The following PTPRD variants were observed in gnomAD, a reference collection of about 807,000 sequenced individuals.
The protein encoded by PTPRD is receptor-type tyrosine-protein phosphatase delta.
Under a neutral mutation model 214.5 loss-of-function variants are expected in PTPRD, and 34 were observed. That is an observed-to-expected ratio of 0.16 (90% confidence interval 0.12 to 0.21). The LOEUF (loss-of-function observed/expected upper bound fraction) is 0.21, where lower values mean the gene tolerates loss of function less well. Among genes scored for constraint, PTPRD ranks in the 10% least tolerant of loss-of-function variants. The pLI is 1.00. For missense variants in PTPRD, 2,545 were observed against 2,398.7 expected, an observed-to-expected ratio of 1.06 and a Z score of -1.27; for synonymous variants, 1,128 against 845.7, an observed-to-expected ratio of 1.33 and a Z score of -5.79.
At chr9:10,274,590 G>C (rs987209859) in intron 3 of PTPRD, among the ~76,000 whole-genome samples, 4 of 152,150 alleles carry the variant, frequency 2.6e-5, no homozygotes, top group African/African-American at 9.7e-5. Context: ...TGAATATTGG[G>C]CTTGCATTCA....
intron 3 of PTPRD, among the ~76,000 whole-genome samples, chr9:10,070,370 C>T (rs1262336357): frequency 1.3e-5 from 2 of 151,866 alleles, no homozygotes; most frequent in Admixed American, 1.3e-4. Context: ...TTGTATGTAC[C>T]TCTTGTTCAA....
At chr9:9,843,800 A>G (rs2058871026) in intron 5 of PTPRD, among the ~76,000 whole-genome samples, 1 of 151,992 alleles carries the variant, frequency 6.6e-6, no homozygotes, top group South Asian at 2.1e-4. Context: ...CGAAATTTAA[A>G]TAGAGGTACA....
At chr9:9,997,491 G>C (rs1231041804) in intron 4 of PTPRD, among the ~76,000 whole-genome samples, 1 of 152,088 alleles carries the variant, frequency 6.6e-6, no homozygotes, top group Non-Finnish European at 1.5e-5. Flanking sequence ...GTTTTTCCAA[G>C]TTGGTCAGGC....
At chr9:8,544,092 C>T (rs1350815893) in intron 14 of PTPRD, among the ~76,000 whole-genome samples, 1 of 151,330 alleles carries the variant, frequency 6.6e-6, no homozygotes, top group East Asian at 1.9e-4. Flanking sequence ...GGTTCATAGA[C>T]TTCCATTTGC....
intron 2 of PTPRD, among the ~76,000 whole-genome samples, chr9:10,406,002 G>A (rs565364297): frequency 9.9e-5 from 15 of 151,156 alleles, no homozygotes; most frequent in Non-Finnish European, 1.9e-4. Context: ...ATCACAAAAT[G>A]TTCTTGTAAA....
At chr9:10,474,001 G>C (rs911925218) in intron 2 of PTPRD, among the ~76,000 whole-genome samples, 4 of 151,918 alleles carry the variant, frequency 2.6e-5, no homozygotes, top group African/African-American at 9.7e-5. Flanking sequence ...AATATGGAAA[G>C]GAAAAACCAG....
At chr9:9,016,121 A>G (rs1456367640) in intron 11 of PTPRD, among the ~76,000 whole-genome samples, 1 of 152,142 alleles carries the variant, frequency 6.6e-6, no homozygotes, top group Non-Finnish European at 1.5e-5. Context: ...CAACTCTGAG[A>G]CTGCCTTACT....
At chr9:8,857,747 G>A (rs570700846) in intron 11 of PTPRD, 28 of 156,180 alleles carry the variant, frequency 1.8e-4, no homozygotes, top group Non-Finnish European at 3.9e-4. Context: ...CCTCCGGGCG[G>A]CCAATTTAAT....
intron 11 of PTPRD, among the ~76,000 whole-genome samples, chr9:8,826,579 T>G (rs1164160134): frequency 1.3e-5 from 2 of 151,726 alleles, no homozygotes; most frequent in East Asian, 3.9e-4. Context: ...TTCTCATCCT[T>G]CAGGTCTTTA....
chr9:9,456,976 C>T (rs755542289), intron 8 of PTPRD, among the ~76,000 whole-genome samples: 1 of 151,258 alleles, frequency 6.6e-6, no homozygotes, highest in Non-Finnish European at 1.5e-5. Flanking sequence ...ACTACTGTAA[C>T]AGGCATGACA....
chr9:9,015,674 G>T (rs2099531830), intron 11 of PTPRD, among the ~76,000 whole-genome samples: 1 of 152,038 alleles, frequency 6.6e-6, no homozygotes, highest in Non-Finnish European at 1.5e-5. Flanking sequence ...CCTCTCTTGG[G>T]TGGGGTCTGG....
At chr9:9,472,304 C>T (rs887169365) in intron 8 of PTPRD, among the ~76,000 whole-genome samples, 13 of 150,742 alleles carry the variant, frequency 8.6e-5, no homozygotes, top group Non-Finnish European at 1.2e-4. Flanking sequence ...CCCGGGTTCA[C>T]GCCATTCTCC....
At chr9:8,575,379 T>C (rs1330748713) in intron 14 of PTPRD, among the ~76,000 whole-genome samples, 1 of 152,130 alleles carries the variant, frequency 6.6e-6, no homozygotes, top group Non-Finnish European at 1.5e-5. Flanking sequence ...AGCAGCAATT[T>C]AATTCTAAGA....
chr9:9,206,467 G>A (rs574795596), intron 9 of PTPRD, among the ~76,000 whole-genome samples: 1 of 152,284 alleles, frequency 6.6e-6, no homozygotes, highest in East Asian at 1.9e-4. Flanking sequence ...CAACTTGATT[G>A]GACTGAAGGA....
intron 5 of PTPRD, among the ~76,000 whole-genome samples, chr9:9,846,136 T>A (rs185667629): frequency 3.5e-4 from 53 of 152,270 alleles, no homozygotes; most frequent in Admixed American, 1.3e-4. Flanking sequence ...ATAGGTAATA[T>A]GCTTCCTCCC....
chr9:9,430,976 T>A (rs1035261553), intron 8 of PTPRD, among the ~76,000 whole-genome samples: 3 of 152,258 alleles, frequency 2.0e-5, no homozygotes, highest in Admixed American at 1.3e-4. Context: ...GCAATACCAT[T>A]CAGGACATAG....
intron 10 of PTPRD, among the ~76,000 whole-genome samples, chr9:9,038,515 G>A (rs1430781486): frequency 6.6e-6 from 1 of 151,858 alleles, no homozygotes; most frequent in East Asian, 1.9e-4. Flanking sequence ...CTTTAAGTGG[G>A]GGGCTAATTT....
intron 5 of PTPRD, among the ~76,000 whole-genome samples, chr9:9,801,613 GT>G (rs1159891796): frequency 6.6e-6 from 1 of 152,056 alleles, no homozygotes; most frequent in African/African-American, 2.4e-5. Context: ...AAGAAAAGTA[GT>G]TTTACCTGCA....
chr9:8,430,011 A>G (rs2094936981), intron 35 of PTPRD, among the ~76,000 whole-genome samples: 1 of 152,188 alleles, frequency 6.6e-6, no homozygotes, highest in Non-Finnish European at 1.5e-5. Context: ...GTGGTCCAAA[A>G]TGTGACTTGT....
Sources: gnomAD v4.1 joint callset for allele counts (sites outside exome capture counted in the v4.1 genomes callset) on GRCh38, gnomAD v4.1.1 for gene constraint, MANE v1.5 for transcripts, NCBI Gene and HGNC (gene_info 2026-07-23, HGNC 2026-07-21) for gene names.